The following RAD51B variants were observed in gnomAD, a reference collection of about 807,000 sequenced individuals.
RAD51B encodes RAD51 paralog B.
RAD51B carries 38 observed loss-of-function variants against 42.2 expected under a neutral mutation model. The observed-to-expected ratio is 0.90, with a 90% CI of 0.70 to 1.18. The LOEUF is 1.18. Ranked by LOEUF, RAD51B falls within the 50% of genes most tolerant of loss-of-function variation. The pLI is 0.00. For synonymous variants in RAD51B, 154 were observed against 145.2 expected (o/e 1.06, Z -0.43); for missense variants, 373 against 400.7 (o/e 0.93, Z 0.59).
chr14:68,491,425 A>G (rs1477907054), intron 10 of RAD51B, among the ~76,000 whole-genome samples: 1 of 152,262 alleles, frequency 6.6e-6, no homozygotes, highest in Non-Finnish European at 1.5e-5. Flanking sequence ...TATAAGATGC[A>G]CTTTAAAGCC....
chr14:68,232,555 G>A (rs914088089), intron 7 of RAD51B, among the ~76,000 whole-genome samples: 7 of 152,160 alleles, frequency 4.6e-5, no homozygotes, highest in African/African-American at 1.4e-4. Flanking sequence ...GATATCCATT[G>A]GGAGGAAAAA....
intron 8 of RAD51B, among the ~76,000 whole-genome samples, chr14:68,315,757 C>G (rs951198537): frequency 6.6e-6 from 1 of 152,206 alleles, no homozygotes; most frequent in Non-Finnish European, 1.5e-5. Context: ...CTCCTGACCT[C>G]ATGATCTGCC....
chr14:68,581,376 A>G (rs1890200889), intron 10 of RAD51B, among the ~76,000 whole-genome samples: 1 of 152,150 alleles, frequency 6.6e-6, no homozygotes, highest in Admixed American at 6.5e-5. Context: ...CGTTCTGAGT[A>G]CACTGAAGGT....
intron 7 of RAD51B, among the ~76,000 whole-genome samples, chr14:68,171,764 T>A (rs147032487): frequency 9.9e-5 from 15 of 151,696 alleles, no homozygotes; most frequent in African/African-American, 3.6e-4. Flanking sequence ...TGGAGTGCAA[T>A]GGGGCGATCT....
rs552331278 is a variant in RAD51B at position 68,117,600 on chromosome 14, T to G, written c.757-174284T>G. Among the ~76,000 whole-genome samples, 68 of 152,302 alleles carry G rather than the reference T, an allele frequency of 4.5e-4. 1 individual carries two copies. The highest frequency in any genetic ancestry group is 3.1e-4 in the Non-Finnish European group (21 of 68,022). ...AAATATCAAAAAGGTACGATTAGAA[T>G]ATCTTCCATAGTAAAAGAGATTAAA... On this transcript the variant is annotated intron_variant, in intron 7 of 10. Transcript: ENST00000471583.
intron 7 of RAD51B, among the ~76,000 whole-genome samples, chr14:68,260,212 A>G (rs549683156): frequency 2.2e-4 from 33 of 150,334 alleles, no homozygotes; most frequent in South Asian, 4.2e-4. Flanking sequence ...ATTCAAATAG[A>G]AAGAAATATC....
chr14:68,429,755 A>G (rs1006536385), intron 9 of RAD51B, among the ~76,000 whole-genome samples: 1 of 151,518 alleles, frequency 6.6e-6, no homozygotes, highest in African/African-American at 2.5e-5. Context: ...TAGTTTAATT[A>G]GATCCCATTT....
intron 7 of RAD51B, among the ~76,000 whole-genome samples, chr14:68,068,310 C>T (rs2076687761): frequency 6.7e-6 from 1 of 149,624 alleles, no homozygotes; most frequent in South Asian, 2.1e-4. Context: ...CAACCACATC[C>T]ATTTTCTTTC....
intron 7 of RAD51B, among the ~76,000 whole-genome samples, chr14:67,897,802 A>G (rs890498345): frequency 2.0e-5 from 3 of 152,104 alleles, no homozygotes; most frequent in Non-Finnish European, 2.9e-5. Context: ...GGCATGTGCC[A>G]CCACGCCCAG....
intron 7 of RAD51B, among the ~76,000 whole-genome samples, chr14:67,890,373 G>C (rs942412557): frequency 6.6e-6 from 1 of 151,644 alleles, no homozygotes; most frequent in East Asian, 1.9e-4. Flanking sequence ...TTAGCTGCCA[G>C]TTTGGGGATT....
At chr14:68,451,623 T>G (rs1371020802) in intron 9 of RAD51B, among the ~76,000 whole-genome samples, 2 of 152,226 alleles carry the variant, frequency 1.3e-5, no homozygotes, top group Non-Finnish European at 2.9e-5. Context: ...CCTTTGCCCT[T>G]GCATTTGCTG....
chr14:68,677,835 GGCC>G (rs2140161030), intron 11 of RAD51B, among the ~76,000 whole-genome samples: 1 of 152,200 alleles, frequency 6.6e-6, no homozygotes, highest in South Asian at 2.1e-4. Context: ...CTCTTTGCAG[GGCC>G]CCATTGCAGG....
chr14:67,945,561 C>T (rs1020781656), intron 7 of RAD51B, among the ~76,000 whole-genome samples: 1 of 152,164 alleles, frequency 6.6e-6, no homozygotes, highest in Non-Finnish European at 1.5e-5. Flanking sequence ...AATCTCTCCT[C>T]CCGGGTTCAA....
chr14:67,888,338 T>C (rs767552330), intron 7 of RAD51B, among the ~76,000 whole-genome samples: 1 of 152,218 alleles, frequency 6.6e-6, no homozygotes, highest in Non-Finnish European at 1.5e-5. Flanking sequence ...AAATACTGTA[T>C]AAAGATACTT....
chr14:68,075,717 G>T (rs1294449877), intron 7 of RAD51B, among the ~76,000 whole-genome samples: 1 of 152,038 alleles, frequency 6.6e-6, no homozygotes, highest in Admixed American at 6.5e-5. Flanking sequence ...CAGCCAGGGG[G>T]TGGGATAGCT....
At chr14:68,391,131 G>A (rs1243076638) in intron 8 of RAD51B, among the ~76,000 whole-genome samples, 1 of 117,252 alleles carries the variant, frequency 8.5e-6, no homozygotes, top group African/African-American at 3.6e-5. Flanking sequence ...AAATTTATGA[G>A]ACTTGTCTTT....
chr14:68,191,988 A>G (rs2079276928), intron 7 of RAD51B, among the ~76,000 whole-genome samples: 2 of 152,140 alleles, frequency 1.3e-5, no homozygotes, highest in Admixed American at 1.3e-4. Context: ...TCACCTTTAT[A>G]CCATCCAATC....
In RAD51B at chr14:68,390,061, C is replaced by T. The variant is rs28656808; in HGVS notation, c.854-21363C>T. ...TGTAAAATGTTCCTTATTTCTCAGACGAAGAGCCTCATCTCCACATCTGTT... is the reference window on the plus strand; with the variant it reads ...TGTAAAATGTTCCTTATTTCTCAGATGAAGAGCCTCATCTCCACATCTGTT... On this transcript the variant is annotated intron_variant, in intron 8 of 10. Coordinates refer to ENST00000471583, the MANE Select transcript of RAD51B (RefSeq NM_133510.4). 7.7e-3 allele frequency among the ~76,000 whole-genome samples: 1,172 copies of T among 152,256 alleles called. 19 individuals carry two copies. Among genetic ancestry groups the T allele is most frequent in the African/African-American group, 0.025 (1,025 of 41,552 alleles).
intron 3 of RAD51B, among the ~76,000 whole-genome samples, chr14:67,830,398 G>T (rs1044270674): frequency 4.3e-5 from 6 of 139,056 alleles, no homozygotes; most frequent in Non-Finnish European, 8.1e-5. Flanking sequence ...ATATTTAGGA[G>T]GGATAATTTT....
Sources: gnomAD v4.1 joint callset for allele counts (sites outside exome capture counted in the v4.1 genomes callset) on GRCh38, gnomAD v4.1.1 for gene constraint, MANE v1.5 for transcripts, NCBI Gene and HGNC (gene_info 2026-07-23, HGNC 2026-07-21) for gene names.